The following USP53 variants were observed in gnomAD, a reference collection of about 807,000 sequenced individuals.
USP53 encodes ubiquitin carboxyl-terminal hydrolase 53.
A neutral mutation model predicts 94.9 loss-of-function variants in USP53; 71 were observed. The ratio of observed to expected loss-of-function variants is 0.75; its 90% confidence interval spans 0.62 to 0.91. USP53 has a LOEUF of 0.91. Among genes scored for constraint, USP53 ranks in the 40% least tolerant of loss-of-function variants. USP53 has a pLI of 0.00. For synonymous variants in USP53, 375 were observed against 422.7 expected, an observed-to-expected ratio of 0.89 and a Z score of 1.39; for missense variants, 1,173 against 1,281.0, an observed-to-expected ratio of 0.92 and a Z score of 1.29.
At chr4:119,223,526 G>T (rs1005224973) in intron 3 of USP53, among the ~76,000 whole-genome samples, 1 of 152,194 alleles carries the variant, frequency 6.6e-6, no homozygotes, top group Admixed American at 6.5e-5. Flanking sequence ...AAGATTGTAG[G>T]ATTGGTGAAA....
At chr4:119,259,761 G>A in intron 9 of USP53, 59 bp from the exon 10 acceptor site, 2 of 1,330,998 alleles carry the variant, frequency 1.5e-6, no homozygotes, top group Non-Finnish European at 1.1e-6. Context: ...TTTTTCATGT[G>A]TAATTTATTA....
chr4:119,281,694 C>T (rs936893461), intron 17 of USP53, among the ~76,000 whole-genome samples: 2 of 152,148 alleles, frequency 1.3e-5, no homozygotes, highest in Non-Finnish European at 2.9e-5. Flanking sequence ...GTTATAAAAA[C>T]ACAAGATCGT....
At chr4:119,273,339 A>C in intron 16 of USP53, 1 of 187,402 alleles carries the variant, frequency 5.3e-6, no homozygotes, top group East Asian at 1.2e-4. Flanking sequence ...AAGACTTGAC[A>C]AGGTAATTTT....
chr4:119,237,393 C>T (rs986517092), intron 4 of USP53, among the ~76,000 whole-genome samples: 1 of 152,128 alleles, frequency 6.6e-6, no homozygotes, highest in African/African-American at 2.4e-5. Context: ...GCCGCCCCCT[C>T]GCCCGTCACG....
rs147709811 is a variant in USP53 at position 119,222,277 on chromosome 4, T to C, written c.-665+4604T>C. Among the ~76,000 whole-genome samples the C allele has an allele frequency of 8.5e-5, 13 of 152,336 alleles. No individual in the cohort carries two copies. In the East Asian group the frequency reaches 2.5e-3, roughly 29 times the overall value. ...CAAATCAGGGTTGTTGGGATGTCCA[T>C]CGCCTTAAGCGTTTGTTTCTTTGAG... On this transcript the variant is annotated intron_variant, in intron 3 of 18. Coordinates refer to ENST00000692078, the MANE Select transcript of USP53 (RefSeq NM_001371395.1).
intron 4 of USP53, among the ~76,000 whole-genome samples, chr4:119,235,709 C>T (rs955356916): frequency 5.3e-5 from 8 of 152,110 alleles, no homozygotes; most frequent in African/African-American, 7.2e-5. Context: ...ACTATTTCTC[C>T]GCTATACCAG....
intron 18 of USP53, among the ~76,000 whole-genome samples, chr4:119,291,504 A>G (rs1754758195): frequency 6.6e-6 from 1 of 152,174 alleles, no homozygotes; most frequent in Admixed American, 6.5e-5. Context: ...TTTACAAGAG[A>G]AAATTTGAAG....
chr4:119,291,644 T>C (rs542044216), intron 18 of USP53, among the ~76,000 whole-genome samples: 1 of 152,226 alleles, frequency 6.6e-6, no homozygotes, highest in Admixed American at 6.5e-5. Flanking sequence ...ATAAGAAAAA[T>C]AATTTGCAAT....
intron 4 of USP53, among the ~76,000 whole-genome samples, chr4:119,238,253 A>G (rs755113175): frequency 9.2e-5 from 14 of 152,266 alleles, no homozygotes; most frequent in Non-Finnish European, 1.5e-4. Flanking sequence ...TTGACTGAAA[A>G]TGAGAGACAT....
At chr4:119,248,942 A>G (rs1469206157) in intron 7 of USP53, 60 bp downstream of exon 7, 30 of 1,584,938 alleles carry the variant, frequency 1.9e-5, no homozygotes, top group Non-Finnish European at 2.3e-5. Context: ...CTTAGATGGT[A>G]CAAGTGTTGA....
rs770909166 is a variant in USP53 at position 119,259,819 on chromosome 4, G to A, written c.570-1G>A. 3 of 1,603,554 alleles carry A rather than the reference G, an allele frequency of 1.9e-6. No homozygotes were observed. The South Asian group carries it at 3.4e-5, about 18-fold the overall frequency. On this transcript the variant is annotated splice_acceptor_variant, in intron 9 of 18. Coordinates refer to ENST00000692078, the MANE Select transcript of USP53 (RefSeq NM_001371395.1). LOFTEE classifies it high-confidence loss of function. Reference sequence around the variant, plus strand: ...ATTTGGGATTGCTTCTTTTTTTGTAGCAATGAGGTTGAAAGAATGTTGGAA... The same window carrying A: ...ATTTGGGATTGCTTCTTTTTTTGTAACAATGAGGTTGAAAGAATGTTGGAA...
chr4:119,279,709 G>T (rs1355777424), intron 17 of USP53, among the ~76,000 whole-genome samples: 2 of 152,122 alleles, frequency 1.3e-5, no homozygotes, highest in Non-Finnish European at 2.9e-5. Flanking sequence ...CCTCGCTGTC[G>T]CCTTGCAGTT....
At chr4:119,250,681 TG>T (rs1349966861) in intron 7 of USP53, among the ~76,000 whole-genome samples, 2 of 152,216 alleles carry the variant, frequency 1.3e-5, no homozygotes, top group Admixed American at 6.5e-5. Flanking sequence ...TTAAATATCC[TG>T]GGGCAGAGGA....
intron 17 of USP53, among the ~76,000 whole-genome samples, chr4:119,276,007 A>G (rs867200353): frequency 0.014 from 1,953 of 143,652 alleles, 34 homozygotes; most frequent in African/African-American, 0.046. Flanking sequence ...GGCTGAGACA[A>G]TGGGGTTTTC....
chr4:119,259,979 T>C (rs1009211530), intron 10 of USP53, 54 bp downstream of exon 10: 5 of 1,333,238 alleles, frequency 3.8e-6, no homozygotes, highest in African/African-American at 2.9e-5. Context: ...GATTTGAAAA[T>C]AGGCATTCAG....
chr4:119,270,618 C>G (rs968732078), intron 15 of USP53, among the ~76,000 whole-genome samples: 1 of 152,092 alleles, frequency 6.6e-6, no homozygotes, highest in South Asian at 2.1e-4. Context: ...CTGACCTTCC[C>G]CCTCTTTACT....
chr4:119,232,853 AT>A (rs1253821468), intron 3 of USP53, among the ~76,000 whole-genome samples: 1 of 151,962 alleles, frequency 6.6e-6, no homozygotes, highest in Non-Finnish European at 1.5e-5. Flanking sequence ...TTTCTATTTC[AT>A]TTTCCCTTTG....
At chr4:119,213,641 G>GATAGATATATATATATATAT (rs1553961988) in intron 1 of USP53, among the ~76,000 whole-genome samples, 1 of 108,114 alleles carries the variant, frequency 9.2e-6, no homozygotes, top group South Asian at 3.2e-4. Context: ...TCTGGAAATA[G>GATAGATATATATATATATAT]ATATATATAT....
Position 119,292,399 on chromosome 4 carries a change from G to T in USP53, c.2410G>T (p.Asp804Tyr). 6.2e-7 allele frequency: 1 copy of T among 1,613,654 alleles called. No homozygotes were observed. Among genetic ancestry groups the T allele is most frequent in the South Asian group, 1.1e-5 (1 of 91,026 alleles). ...FPSSSLQIPK[D>Y]HNAREHIHQS... ...TTCATCCAGTCTACAAATACCCAAG[G>T]ACCATAATGCAAGAGAACATATCCA... The change falls in exon 19 of 19, where the codon GAC becomes TAC. Residue 804 changes from aspartate to tyrosine, a missense_variant. By Grantham distance (160) the Asp-to-Tyr change is radical. Coordinates refer to ENST00000692078, the MANE Select transcript of USP53 (RefSeq NM_001371395.1).
Sources: gnomAD v4.1 joint callset for allele counts (sites outside exome capture counted in the v4.1 genomes callset) on GRCh38, gnomAD v4.1.1 for gene constraint, MANE v1.5 for transcripts, NCBI Gene and HGNC (gene_info 2026-07-23, HGNC 2026-07-21) for gene names.